The following ATP8A1 variants were observed in gnomAD, a reference collection of about 807,000 sequenced individuals.
The protein encoded by ATP8A1 is phospholipid-transporting ATPase IA.
In ATP8A1, 90 loss-of-function variants were observed where a neutral mutation model predicts 177.7. The observed-to-expected ratio is 0.51, with a 90% CI of 0.43 to 0.60. The LOEUF (loss-of-function observed/expected upper bound fraction) is 0.60, where lower values mean the gene tolerates loss of function less well. Among genes scored for constraint, ATP8A1 ranks in the 20% least tolerant of loss-of-function variants. The pLI is 0.00. For missense variants in ATP8A1, 1,072 were observed against 1,392.8 expected (o/e 0.77, Z 3.67); for synonymous variants, 493 against 485.9 (o/e 1.01, Z -0.19).
rs530492116 is a variant in ATP8A1, at chr4:42,524,831, T to C, written c.1739A>G (p.Asp580Gly). Residue 580 changes from aspartate (D) to glycine (G), a missense_variant, in exon 21 of 37, where the codon GAT (aspartate) becomes GGT (glycine). By Grantham distance (94) the Asp-to-Gly change is moderately conservative. This residue lies in a region of ATP8A1 where 388 missense variants were observed against 471.7 expected (regional missense o/e 0.82). Transcript: ENST00000381668. The stretch of plus-strand genomic sequence containing the variant: ...GTATTTTGACGTCTCTGCCAGTCGA[T>C]CATAAATTACAGTGTCCTGGAAAAC... Reference protein sequence around the residue: ...YCKGADTVIYDRLAETSKYKE... With the variant: ...YCKGADTVIYGRLAETSKYKE... The C allele has an allele frequency of 2.6e-5, 42 of 1,608,656 alleles. No individual in the cohort carries two copies. In the South Asian group the frequency reaches 4.1e-4, roughly 16 times the overall value.
At chr4:42,540,546 C>G (rs113987825) in intron 20 of ATP8A1, among the ~76,000 whole-genome samples, 6,384 of 133,108 alleles carry the variant, frequency 0.048, 170 homozygotes, top group South Asian at 0.12. Context: ...ATCAACAGAC[C>G]AATAGATAAA....
chr4:42,420,874 T>C (rs1208865680), intron 35 of ATP8A1, among the ~76,000 whole-genome samples: 1 of 151,802 alleles, frequency 6.6e-6, no homozygotes, highest in South Asian at 2.1e-4. Flanking sequence ...ATTCACGCCA[T>C]TCTCCTGCCT....
chr4:42,513,172 T>C (rs951396090), intron 22 of ATP8A1, among the ~76,000 whole-genome samples: 1 of 152,138 alleles, frequency 6.6e-6, no homozygotes, highest in Non-Finnish European at 1.5e-5. Context: ...CATGTCCAAC[T>C]CCTACCATTC....
chr4:42,567,220 A>C (rs1055538746), intron 15 of ATP8A1, among the ~76,000 whole-genome samples: 2 of 152,168 alleles, frequency 1.3e-5, no homozygotes, highest in Non-Finnish European at 2.9e-5. Context: ...TATTTTATAG[A>C]TGGAGAATCC....
intron 1 of ATP8A1, among the ~76,000 whole-genome samples, chr4:42,655,640 T>C (rs1056092942): frequency 6.6e-5 from 10 of 152,354 alleles, no homozygotes; most frequent in Admixed American, 1.3e-4. Flanking sequence ...CGAATTCCTA[T>C]GTAGTACACA....
rs192880581 is a variant in ATP8A1 at position 42,501,823 on chromosome 4, T to G, written c.2151+1627A>C. Among the ~76,000 whole-genome samples, 3 of 152,260 alleles carry G rather than the reference T, an allele frequency of 2.0e-5. No homozygotes were observed. The East Asian group carries it at 5.8e-4, about 29-fold the overall frequency. On this transcript the variant is annotated intron_variant, in intron 24 of 36. Coordinates refer to ENST00000381668, the MANE Select transcript of ATP8A1 (RefSeq NM_006095.2). The stretch of plus-strand genomic sequence containing the variant: ...CAGGTCTGACCCTAAACAGTCAGAT[T>G]TGTAAAGTCACCACTTAACTCCCTG...
chr4:42,566,388 T>A (rs1186923578), intron 15 of ATP8A1, among the ~76,000 whole-genome samples: 1 of 152,178 alleles, frequency 6.6e-6, no homozygotes, highest in African/African-American at 2.4e-5. Flanking sequence ...TCTATACTCT[T>A]TACTCCTGAA....
rs1052831531 is a variant in ATP8A1, at chr4:42,409,371, C to G, written c.*3545G>C. 6.6e-6 allele frequency: 1 copy of G among 152,102 alleles called. No homozygotes were observed. Among genetic ancestry groups the G allele is most frequent in the Admixed American group, 6.5e-5 (1 of 15,272 alleles). 9.4% of individuals were successfully genotyped at this position (152,102 alleles called of 1,614,324 possible). ...TGCAGCAAAGTATAACTACGTTACA[C>G]AAGTGACTTCAGTTATTTTAATGTG... is the stretch of plus-strand genomic sequence containing the variant. On this transcript the variant is annotated 3_prime_UTR_variant, in exon 37 of 37. Transcript: ENST00000381668.
At chr4:42,581,497 A>G in intron 10 of ATP8A1, 124 bp downstream of exon 10, 1 of 720,190 alleles carries the variant, frequency 1.4e-6, no homozygotes, top group Non-Finnish European at 2.4e-6. Context: ...TTCTGAACAT[A>G]TAGGGTTGGA....
At chr4:42,506,065 C>T (rs769443665) in intron 23 of ATP8A1, among the ~76,000 whole-genome samples, 5 of 152,158 alleles carry the variant, frequency 3.3e-5, no homozygotes, top group East Asian at 1.9e-4. Flanking sequence ...AACTCCTAAC[C>T]GCCAGTGACA....
intron 20 of ATP8A1, among the ~76,000 whole-genome samples, chr4:42,529,083 G>A (rs1414275736): frequency 6.6e-6 from 1 of 152,134 alleles, no homozygotes; most frequent in Non-Finnish European, 1.5e-5. Context: ...TTTATCAAGT[G>A]ACCCTAAAGG....
chr4:42,571,268 TA>T (rs1480011263), intron 14 of ATP8A1, among the ~76,000 whole-genome samples: 2 of 152,226 alleles, frequency 1.3e-5, no homozygotes, highest in African/African-American at 4.8e-5. Flanking sequence ...CAAGTAAAGT[TA>T]TTCACACAGT....
At chr4:42,502,959 G>A (rs1037137116) in intron 24 of ATP8A1, among the ~76,000 whole-genome samples, 2 of 152,136 alleles carry the variant, frequency 1.3e-5, no homozygotes, top group African/African-American at 4.8e-5. Context: ...AGTGATCACA[G>A]CCATGAAAAA....
chr4:42,590,710 A>G, intron 7 of ATP8A1, 101 bp downstream of exon 7: 3 of 1,077,490 alleles, frequency 2.8e-6, no homozygotes, highest in Admixed American at 2.0e-5. Context: ...TTGTGTTTTA[A>G]AGGAAGAGAC....
intron 20 of ATP8A1, among the ~76,000 whole-genome samples, chr4:42,531,000 G>A (rs1727208942): frequency 3.3e-5 from 5 of 152,172 alleles, no homozygotes; most frequent in Admixed American, 3.3e-4. Context: ...CAATTAAACT[G>A]GAAGTTAAGA....
At chr4:42,486,366 C>T (rs895045229) in intron 24 of ATP8A1, among the ~76,000 whole-genome samples, 1 of 152,072 alleles carries the variant, frequency 6.6e-6, no homozygotes, top group African/African-American at 2.4e-5. Flanking sequence ...ATAAGCATGT[C>T]GGGGCAAATA....
intron 4 of ATP8A1, among the ~76,000 whole-genome samples, chr4:42,620,827 C>T (rs1357830525): frequency 6.6e-6 from 1 of 152,200 alleles, no homozygotes; most frequent in African/African-American, 2.4e-5. Flanking sequence ...GCCAAGAGCA[C>T]TGGATAGGAC....
chr4:42,587,859 C>G lies in ATP8A1; in HGVS notation c.594+401G>C, dbSNP rs145579416. On this transcript the variant is annotated intron_variant, in intron 8 of 36. Transcript: ENST00000381668. Reference sequence around the variant, plus strand: ...TCCTGACCTTGTGATTCACCTGCCTCAGCCTCTCAAAGTGCTGGGATTACA... The same window carrying G: ...TCCTGACCTTGTGATTCACCTGCCTGAGCCTCTCAAAGTGCTGGGATTACA... Among the ~76,000 whole-genome samples, 1,185 of 152,244 alleles carry G rather than the reference C, an allele frequency of 7.8e-3. 18 individuals carry two copies. The highest frequency in any genetic ancestry group is 0.027 in the African/African-American group (1,122 of 41,538).
chr4:42,633,203 T>C (rs1300797558), intron 1 of ATP8A1, among the ~76,000 whole-genome samples: 1 of 152,196 alleles, frequency 6.6e-6, no homozygotes, highest in East Asian at 1.9e-4. Context: ...GATCAGTGAC[T>C]ACTGGGTTGC....
Sources: allele counts gnomAD v4.1 joint callset (sites outside exome capture counted in the v4.1 genomes callset), GRCh38; gene constraint gnomAD v4.1.1; regional missense constraint gnomAD v4.1.1; transcripts MANE v1.5; gene names NCBI Gene and HGNC (gene_info 2026-07-23, HGNC 2026-07-21).